Variants in BICRA observed in about 807,000 individuals in gnomAD.
BICRA encodes the protein BRD4 interacting chromatin remodeling complex associated protein.
A neutral mutation model predicts 96.9 loss-of-function variants in BICRA; 31 were observed. The ratio of observed to expected loss-of-function variants is 0.32; its 90% CI spans 0.24 to 0.43. The LOEUF is 0.43. Among genes scored for constraint, BICRA ranks in the 20% least tolerant of loss-of-function variants. The pLI is 1.00. For missense variants in BICRA, 2,283 were observed against 2,190.3 expected (o/e 1.04, Z -0.84); for synonymous variants, 1,350 against 1,071.8 (o/e 1.26, Z -5.07).
In BICRA at chr19:47,680,428, C is replaced by T; in HGVS notation, c.1258C>T (p.Gln420Ter). 1 of 1,537,240 alleles carries T rather than the reference C, an allele frequency of 6.5e-7. No individual in the cohort carries two copies. ...VLSGFPAPAL[Q>*]ANVFKQPPAT... ...GTCGGGCTTCCCCGCGCCTGCGCTG[C>T]AAGCGAACGTCTTCAAGCAGCCACC... is the stretch of plus-strand genomic sequence containing the variant. The change falls in exon 6 of 15, where the codon CAA becomes TAA. Residue 420 changes from glutamine (Q) to a stop codon, truncating the protein, a stop_gained. Coordinates refer to ENST00000594866, the MANE Select transcript of BICRA (RefSeq NM_001394372.1). LOFTEE classifies it high-confidence loss of function.
At chr19:47,613,400 C>T (rs1028875489) in intron 1 of BICRA, among the ~76,000 whole-genome samples, 1 of 152,118 alleles carries the variant, frequency 6.6e-6, no homozygotes, top group Non-Finnish European at 1.5e-5. Flanking sequence ...CTTTCCAGGC[C>T]GCCTGGGCTT....
Position 47,675,942 on chromosome 19 carries a change from G to GC in BICRA, c.150+28dup. On this transcript the variant is annotated intron_variant, in intron 5 of 14. Transcript: ENST00000594866. The surrounding 1 kb of genome is among the most constrained non-coding windows in gnomAD (Gnocchi z 4.7). ...GTAAGTGCCGTGGCTCCCGATCATTGCCTGAGCTGTTGGGGCTGCCAGCGG... is the reference window on the plus strand; with the variant it reads ...GTAAGTGCCGTGGCTCCCGATCATTGCCCTGAGCTGTTGGGGCTGCCAGCGG... 1 of 1,556,180 alleles carries GC rather than the reference G, an allele frequency of 6.4e-7. No individual in the cohort carries two copies. The highest frequency in any genetic ancestry group is 8.8e-7 in the Non-Finnish European group (1 of 1,137,070).
Position 47,694,917 on chromosome 19 carries a change from C to A in BICRA, c.2913C>A (p.Ile971=). Reference sequence around the variant, plus strand: ...CTCCTCAGGTGCCGTCCGGAATCATCCTCCAGAACAAGGCTGGGGGGGCCC... The same window carrying A: ...CTCCTCAGGTGCCGTCCGGAATCATACTCCAGAACAAGGCTGGGGGGGCCC... The part of the protein sequence containing the change: ...ERFHQVPSGI[I]LQNKAGGAPA... The change falls in exon 9 of 15, where the codon ATC becomes ATA. Residue 971 remains isoleucine (I), a synonymous_variant. Coordinates refer to ENST00000594866, the MANE Select transcript of BICRA (RefSeq NM_001394372.1). The A allele has an allele frequency of 6.6e-7, 1 of 1,521,926 alleles. No homozygotes were observed. Among genetic ancestry groups the A allele is most frequent in the Non-Finnish European group, 8.8e-7 (1 of 1,142,412 alleles). The allele number at this position is 1,521,926 out of a possible 1,614,324, so 94.3% of individuals were successfully genotyped here.
intron 7 of BICRA, among the ~76,000 whole-genome samples, chr19:47,686,405 A>G (rs2123596917): frequency 6.6e-6 from 1 of 151,558 alleles, no homozygotes; most frequent in East Asian, 2.0e-4. Flanking sequence ...GCGGGGAGGC[A>G]TGGAGTCTCC....
In BICRA at chr19:47,696,934, T is replaced by G. The variant is rs113433943; in HGVS notation, c.3248+422T>G. ...ATGGATGGATGGGAGTCTGGGCGGA[T>G]GGATGGGTAAATGCTGGATGCCTGC... On this transcript the variant is annotated intron_variant, in intron 11 of 14. Transcript: ENST00000594866. Among the ~76,000 whole-genome samples the G allele has an allele frequency of 2.9e-3, 437 of 151,694 alleles. 2 individuals are homozygous for G. The highest frequency in any genetic ancestry group is 0.01 in the African/African-American group (417 of 41,376).
At chr19:47,629,051 G>C (rs1972181044) in intron 1 of BICRA, among the ~76,000 whole-genome samples, 1 of 152,038 alleles carries the variant, frequency 6.6e-6, no homozygotes. Context: ...GCCCAGGCTG[G>C]AGTGCAGTGG....
intron 7 of BICRA, among the ~76,000 whole-genome samples, chr19:47,685,696 G>A (rs1326663629): frequency 2.0e-5 from 3 of 151,082 alleles, no homozygotes; most frequent in Non-Finnish European, 4.4e-5. Context: ...CCCTGCACTC[G>A]GAAGGAACTC....
intron 7 of BICRA, among the ~76,000 whole-genome samples, chr19:47,689,525 C>T (rs1157552650): frequency 6.6e-6 from 1 of 152,130 alleles, no homozygotes; most frequent in Non-Finnish European, 1.5e-5. Context: ...GTTCTCCCTG[C>T]CTCAGCCTCC....
In BICRA at chr19:47,673,895, T is replaced by TA. The variant is rs1459380259; in HGVS notation, c.84+134dup. On this transcript the variant is annotated intron_variant, in intron 4 of 14. Coordinates refer to ENST00000594866, the MANE Select transcript of BICRA (RefSeq NM_001394372.1). ...GGCTTCTAACGCCAGGCACTGGAGT[T>TA]ACGGCCATGAGCAAAACTCATGGTA... 4.4e-5 allele frequency: 35 copies of TA among 791,986 alleles called. No individual in the cohort carries two copies. The East Asian group carries it at 6.7e-4, about 15-fold the overall frequency. The allele number at this position is 791,986 out of a possible 1,614,324, so 49.1% of individuals were successfully genotyped here. A position where few individuals can be genotyped will look rare whatever the true frequency, so the allele number is the denominator to read the frequency against.
chr19:47,676,354 C>T (rs1972940700), intron 5 of BICRA, among the ~76,000 whole-genome samples: 1 of 152,106 alleles, frequency 6.6e-6, no homozygotes, highest in African/African-American at 2.4e-5. Context: ...CTGCAGACTT[C>T]AGTCTTCACC....
intron 1 of BICRA, among the ~76,000 whole-genome samples, chr19:47,617,426 C>T (rs1568545895): frequency 6.6e-6 from 1 of 150,926 alleles, no homozygotes; most frequent in Non-Finnish European, 1.5e-5. Flanking sequence ...TGTAGTGGCG[C>T]CATATCGGCT....
intron 7 of BICRA, among the ~76,000 whole-genome samples, chr19:47,685,805 G>A (rs552085478): frequency 1.1e-4 from 17 of 150,224 alleles, no homozygotes; most frequent in African/African-American, 2.2e-4. Flanking sequence ...GCGCGCATGC[G>A]TACATTTTCC....
chr19:47,680,604 G>C lies in BICRA; in HGVS notation c.1434G>C (p.Pro478=), dbSNP rs1332643221. Residue 478 remains proline (P), a synonymous_variant, in exon 6 of 15, where the codon CCG becomes CCC. Coordinates refer to ENST00000594866, the MANE Select transcript of BICRA (RefSeq NM_001394372.1). ...GQNQFLLPGA[P]AVQLPQQLSA... ...ACCAGTTCCTACTGCCTGGCGCCCCGGCGGTCCAGCTCCCGCAGCAGCTCT... is the reference window on the plus strand; with the variant it reads ...ACCAGTTCCTACTGCCTGGCGCCCCCGCGGTCCAGCTCCCGCAGCAGCTCT... 2 of 1,609,664 alleles carry C rather than the reference G, an allele frequency of 1.2e-6. No individual in the cohort carries two copies. Among genetic ancestry groups the C allele is most frequent in the East Asian group, 4.5e-5 (2 of 44,746 alleles).
intron 1 of BICRA, among the ~76,000 whole-genome samples, chr19:47,648,648 G>A (rs2123545090): frequency 6.6e-6 from 1 of 151,432 alleles, no homozygotes; most frequent in African/African-American, 2.4e-5. Context: ...TGAGGTGGTG[G>A]ATCACCTGAG....
intron 7 of BICRA, among the ~76,000 whole-genome samples, chr19:47,689,145 G>C (rs1973202881): frequency 6.6e-6 from 1 of 151,952 alleles, no homozygotes; most frequent in Non-Finnish European, 1.5e-5. Context: ...TTTTTTCTAA[G>C]ACAAATATTG....
chr19:47,696,897 G>A (rs377583686), intron 11 of BICRA, among the ~76,000 whole-genome samples: 49 of 152,148 alleles, frequency 3.2e-4, no homozygotes, highest in African/African-American at 1.1e-3. Flanking sequence ...ATGATGGGGG[G>A]GGTGTTTGGG....
intron 1 of BICRA, among the ~76,000 whole-genome samples, chr19:47,645,968 T>C (rs1281628478): frequency 6.6e-6 from 1 of 152,078 alleles, no homozygotes; most frequent in Non-Finnish European, 1.5e-5. Context: ...CGTGGTGGCA[T>C]GCGCCTGTAG....
At chr19:47,655,439 C>T (rs1301307387) in intron 1 of BICRA, among the ~76,000 whole-genome samples, 3 of 147,132 alleles carry the variant, frequency 2.0e-5, no homozygotes, top group Admixed American at 7.0e-5. Context: ...GCAGGAGATT[C>T]GCTTGAACCT....
chr19:47,670,244 G>A (rs896719077), intron 1 of BICRA, among the ~76,000 whole-genome samples, 199 bp from the exon 2 acceptor site: 2 of 152,090 alleles, frequency 1.3e-5, no homozygotes, highest in East Asian at 1.9e-4. Flanking sequence ...GTGAGCCACC[G>A]CGCCAGCCAT....
Sources: gnomAD v4.1 joint callset for allele counts (sites outside exome capture counted in the v4.1 genomes callset) on GRCh38, gnomAD v4.1.1 for gene constraint, Gnocchi (gnomAD v3.1) non-coding constraint, MANE v1.5 for transcripts, NCBI Gene and HGNC (gene_info 2026-07-23, HGNC 2026-07-21) for gene names.